NALCN: variants seen among roughly 807,000 people sequenced by gnomAD.
NALCN encodes the protein sodium leak channel NALCN.
In NALCN, 111 loss-of-function variants were observed where a neutral mutation model predicts 225.3. That is an observed-to-expected ratio of 0.49 (90% CI 0.42 to 0.58). The LOEUF is 0.58. Among genes scored for constraint, NALCN ranks in the 20% least tolerant of loss-of-function variants. NALCN has a pLI of 0.00. For missense variants in NALCN, 1,378 were observed against 2,202.4 expected (o/e 0.63, Z 7.49); for synonymous variants, 764 against 769.0 (o/e 0.99, Z 0.11).
chr13:101,101,439 C>T lies in NALCN; in HGVS notation c.3058-551G>A, dbSNP rs537176842. Among the ~76,000 whole-genome samples the T allele has an allele frequency of 2.0e-5, 3 of 152,034 alleles. No individual in the cohort carries two copies. In the South Asian group the frequency reaches 6.2e-4, roughly 32 times the overall value. Reference sequence around the variant, plus strand: ...GGGACTACAGGCACACGCCACCAAGCCCAGCTAATTTTTGTATTTTTAGTA... The same window carrying T: ...GGGACTACAGGCACACGCCACCAAGTCCAGCTAATTTTTGTATTTTTAGTA... On this transcript the variant is annotated intron_variant, in intron 26 of 43. Coordinates refer to ENST00000251127, the MANE Select transcript of NALCN (RefSeq NM_052867.4).
chr13:101,360,189 CCTCTCTCTCTCTCTCTCTCTCT>C (rs759523803), intron 6 of NALCN, among the ~76,000 whole-genome samples: 2 of 89,324 alleles, frequency 2.2e-5, no homozygotes, highest in South Asian at 5.2e-4. Flanking sequence ...TTCCTCTCTT[CCTCTCTCTCTCTCTCTCTCTCT>C]CTCTCTCTCT....
chr13:101,164,877 T>C (rs2038364966), intron 15 of NALCN, among the ~76,000 whole-genome samples: 1 of 152,178 alleles, frequency 6.6e-6, no homozygotes, highest in Non-Finnish European at 1.5e-5. Flanking sequence ...TGGGCAATAA[T>C]AAACTGACCT....
In NALCN at chr13:101,124,627, C is replaced by A. The variant is rs201135494; in HGVS notation, c.2173G>T (p.Ala725Ser). Residue 725 changes from alanine (A) to serine (S), a missense_variant, in exon 18 of 44, where the codon GCA (alanine) becomes TCA (serine). Ala to Ser is a moderately conservative substitution (Grantham distance 99). Around this residue, in one of 19 missense-constraint regions of NALCN, gnomAD observed 100 missense variants for 89.4 expected, o/e 1.12. Coordinates refer to ENST00000251127, the MANE Select transcript of NALCN (RefSeq NM_052867.4). ...RARNLLEKETAVTKILRACTR... is the reference protein window; with the variant it reads ...RARNLLEKETSVTKILRACTR... ...TGTTACCTTAAGATTTTAGTGACTG[C>A]GGTCTCCTTTTCCAGAAGGTTCCTT... 8.7e-6 allele frequency: 14 copies of A among 1,613,770 alleles called. No individual in the cohort carries two copies. Among genetic ancestry groups the A allele is most frequent in the Non-Finnish European group, 1.2e-5 (14 of 1,179,824 alleles).
intron 15 of NALCN, among the ~76,000 whole-genome samples, chr13:101,150,641 A>G (rs2037601638): frequency 6.6e-6 from 1 of 152,210 alleles, no homozygotes; most frequent in Non-Finnish European, 1.5e-5. Flanking sequence ...ATGTAATGAA[A>G]TGGTATTCTA....
intron 30 of NALCN, among the ~76,000 whole-genome samples, chr13:101,085,681 T>A (rs2033895155): frequency 6.6e-6 from 1 of 152,192 alleles, no homozygotes; most frequent in Non-Finnish European, 1.5e-5. Flanking sequence ...TGTACAATTA[T>A]GCGCTGATTA....
At chr13:101,358,365 C>T (rs1030575971) in intron 6 of NALCN, among the ~76,000 whole-genome samples, 1 of 152,084 alleles carries the variant, frequency 6.6e-6, no homozygotes, top group African/African-American at 2.4e-5. Context: ...AAAGAAACAA[C>T]CCCATCAAAA....
chr13:101,297,040 G>T (rs1016651520), intron 7 of NALCN, among the ~76,000 whole-genome samples: 2 of 152,056 alleles, frequency 1.3e-5, no homozygotes, highest in African/African-American at 2.4e-5. Context: ...TTTATTTACC[G>T]CTTTGCCCTC....
At chr13:101,158,790 C>T (rs2038028089) in intron 15 of NALCN, among the ~76,000 whole-genome samples, 1 of 152,206 alleles carries the variant, frequency 6.6e-6, no homozygotes, top group Non-Finnish European at 1.5e-5. Flanking sequence ...CTCTGGAAGT[C>T]CTCTCTTGCG....
chr13:101,330,091 A>G (rs1458514246), intron 7 of NALCN, among the ~76,000 whole-genome samples: 7 of 150,674 alleles, frequency 4.6e-5, no homozygotes, highest in African/African-American at 1.5e-4. Context: ...TTAGCAGCAT[A>G]TATATATATG....
At chr13:101,219,747 C>T (rs1472233363) in intron 13 of NALCN, among the ~76,000 whole-genome samples, 2 of 152,150 alleles carry the variant, frequency 1.3e-5, no homozygotes, top group African/African-American at 2.4e-5. Flanking sequence ...ATAAGTATTT[C>T]CTAACTGAAC....
intron 15 of NALCN, among the ~76,000 whole-genome samples, chr13:101,161,312 A>C (rs189322833): frequency 2.4e-4 from 36 of 152,322 alleles, no homozygotes; most frequent in Non-Finnish European, 1.0e-4. Context: ...AAGATTCACC[A>C]ACTCAACATG....
At chr13:101,398,343 A>T (rs951376512) in intron 2 of NALCN, among the ~76,000 whole-genome samples, 1 of 152,116 alleles carries the variant, frequency 6.6e-6, no homozygotes, top group Non-Finnish European at 1.5e-5. Context: ...TGCAAGAGGG[A>T]ACAGGCCATT....
intron 39 of NALCN, 54 bp from the exon 40 acceptor site, chr13:101,065,615 G>T: frequency 6.4e-7 from 1 of 1,566,978 alleles, no homozygotes; most frequent in Admixed American, 2.0e-5. Context: ...TGATTCACTT[G>T]GGTTTCTCAA....
At chr13:101,400,597 G>GCA (rs1566655268) in intron 1 of NALCN, among the ~76,000 whole-genome samples, 3,233 of 151,238 alleles carry the variant, frequency 0.021, 119 homozygotes, top group African/African-American at 0.074. Flanking sequence ...GTGTGCGCGC[G>GCA]CACACAGATG....
At chr13:101,093,885 C>A (rs2034365706) in intron 28 of NALCN, among the ~76,000 whole-genome samples, 1 of 152,176 alleles carries the variant, frequency 6.6e-6, no homozygotes, top group African/African-American at 2.4e-5. Context: ...TGGCCACTTT[C>A]TTCACTTCCA....
chr13:101,304,551 T>C (rs1022894494), intron 7 of NALCN, among the ~76,000 whole-genome samples: 1 of 151,948 alleles, frequency 6.6e-6, no homozygotes, highest in Non-Finnish European at 1.5e-5. Context: ...CCGCCTGGGA[T>C]TACAGGCGGA....
At chr13:101,342,632 G>C (rs1480518276) in intron 7 of NALCN, among the ~76,000 whole-genome samples, 2 of 152,262 alleles carry the variant, frequency 1.3e-5, no homozygotes, top group African/African-American at 2.4e-5. Flanking sequence ...ATCTTCTCAG[G>C]AAGTTTTCTG....
intron 42 of NALCN, 133 bp downstream of exon 42, chr13:101,059,685 T>C: frequency 1.2e-6 from 1 of 817,900 alleles, no homozygotes; most frequent in Non-Finnish European, 1.8e-6. Flanking sequence ...TTTTTTTTTT[T>C]TAATGAAAAT....
intron 13 of NALCN, among the ~76,000 whole-genome samples, chr13:101,192,298 G>A (rs1239521622): frequency 2.0e-5 from 3 of 152,198 alleles, no homozygotes; most frequent in Non-Finnish European, 4.4e-5. Flanking sequence ...TTTGTTCGCA[G>A]TAAATGCTGT....
Sources: gnomAD v4.1 joint callset for allele counts (sites outside exome capture counted in the v4.1 genomes callset) on GRCh38, gnomAD v4.1.1 for gene constraint, gnomAD v4.1.1 regional missense constraint, MANE v1.5 for transcripts, NCBI Gene and HGNC (gene_info 2026-07-23, HGNC 2026-07-21) for gene names.